RTL4: variants seen among roughly 807,000 people sequenced by gnomAD.
RTL4 encodes retrotransposon Gag-like protein 4.
RTL4 carries 4 observed loss-of-function variants against 5.3 expected under a neutral mutation model. The observed-to-expected ratio is 0.75, with a 90% confidence interval of 0.37 to 1.72. RTL4 has a LOEUF of 1.72. Ranked by LOEUF, RTL4 falls within the 40% of genes most tolerant of loss-of-function variation. The pLI is 0.04. For missense variants in RTL4, 260 were observed against 227.1 expected, an observed-to-expected ratio of 1.14 and a Z score of -0.93; for synonymous variants, 98 against 87.3, an observed-to-expected ratio of 1.12 and a Z score of -0.68.
chrX:112,103,400 A>G, the RTL4 span, among the ~76,000 whole-genome samples: 1 of 111,089 alleles, frequency 9.0e-6, no homozygotes, highest in Non-Finnish European at 1.9e-5. Flanking sequence ...GGAGGGAAAC[A>G]ACACACACTA....
chrX:112,141,255 TGATATTTTATCTTCAACCTTACTAAGCC>T, the RTL4 span, among the ~76,000 whole-genome samples: 4 of 112,137 alleles, frequency 3.6e-5, no homozygotes, highest in South Asian at 3.6e-4. Context: ...GTTTTTATAT[TGATATTTTATCTTCAACCTTACTAAGCC>T]CATTCATTCA....
At chrX:112,175,463 T>G in the RTL4 span, among the ~76,000 whole-genome samples, 25 of 110,343 alleles carry the variant, frequency 2.3e-4, no homozygotes, top group Non-Finnish European at 5.7e-5. Context: ...ACCAGTACCA[T>G]GCTGTTTTGG....
chrX:112,215,403 A>G, the RTL4 span, among the ~76,000 whole-genome samples: 2 of 112,032 alleles, frequency 1.8e-5, no homozygotes, highest in East Asian at 5.6e-4. Context: ...AGAAATGCCT[A>G]TTCAGTTCCT....
At chrX:112,103,258 T>A in the RTL4 span, among the ~76,000 whole-genome samples, 1 of 111,938 alleles carries the variant, frequency 8.9e-6, no homozygotes, top group Non-Finnish European at 1.9e-5. Flanking sequence ...AATGAGACCC[T>A]GTCCTTTGCA....
chrX:112,125,827 T>C, the RTL4 span, among the ~76,000 whole-genome samples: 1 of 111,901 alleles, frequency 8.9e-6, no homozygotes, highest in Admixed American at 9.5e-5. Flanking sequence ...TGACTAGATA[T>C]CAATACTCTA....
At chrX:112,362,622 T>G in the RTL4 span, among the ~76,000 whole-genome samples, 1 of 110,582 alleles carries the variant, frequency 9.0e-6, no homozygotes, top group African/African-American at 3.3e-5. Flanking sequence ...GAGAGAGTAG[T>G]AATAAATGAG....
At chrX:112,312,360 A>G in the RTL4 span, among the ~76,000 whole-genome samples, 1 of 111,997 alleles carries the variant, frequency 8.9e-6, no homozygotes, top group African/African-American at 3.2e-5. Context: ...TACAATTCAG[A>G]TTAGAAGTGA....
At chrX:112,434,333 G>A in the RTL4 span, among the ~76,000 whole-genome samples, 1 of 110,055 alleles carries the variant, frequency 9.1e-6, no homozygotes, top group East Asian at 2.9e-4. Context: ...TGTACCTCTG[G>A]TAGAATTCGG....
chrX:112,340,873 C>T, the RTL4 span, among the ~76,000 whole-genome samples: 9 of 110,174 alleles, frequency 8.2e-5, no homozygotes, highest in Non-Finnish European at 1.3e-4. Context: ...TGCACCACCA[C>T]GCCCAGCTAA....
chrX:112,423,865 C>G, the RTL4 span, among the ~76,000 whole-genome samples: 1 of 111,887 alleles, frequency 8.9e-6, no homozygotes, highest in Non-Finnish European at 1.9e-5. Flanking sequence ...ACATCTTGCC[C>G]AGGTCCTGGG....
the RTL4 span, among the ~76,000 whole-genome samples, chrX:112,288,057 GACA>G: frequency 8.9e-6 from 1 of 111,735 alleles, no homozygotes; most frequent in East Asian, 2.8e-4. Context: ...TGATTCAGAG[GACA>G]ACAACTGTTG....
At chrX:112,306,101 T>C in the RTL4 span, among the ~76,000 whole-genome samples, 32 of 111,648 alleles carry the variant, frequency 2.9e-4, no homozygotes, top group Middle Eastern at 9.2e-3. Context: ...TCAAAAGTCT[T>C]ATACCAAGTG....
the RTL4 span, among the ~76,000 whole-genome samples, chrX:112,265,375 C>T: frequency 8.9e-6 from 1 of 111,950 alleles, no homozygotes; most frequent in African/African-American, 3.2e-5. Context: ...GGCCTTGATT[C>T]AGAAGAAGAC....
the RTL4 span, among the ~76,000 whole-genome samples, chrX:112,405,219 A>G: frequency 8.9e-6 from 1 of 111,905 alleles, no homozygotes; most frequent in Non-Finnish European, 1.9e-5. Context: ...ACACAATACT[A>G]CTACAATTTG....
chrX:112,206,976 T>C, the RTL4 span, among the ~76,000 whole-genome samples: 1 of 111,751 alleles, frequency 8.9e-6, no homozygotes, highest in Non-Finnish European at 1.9e-5. Flanking sequence ...TCACATGCAA[T>C]CCATCATCAA....
the RTL4 span, among the ~76,000 whole-genome samples, chrX:112,213,620 A>G: frequency 1.8e-5 from 2 of 112,038 alleles, no homozygotes; most frequent in African/African-American, 6.5e-5. Flanking sequence ...ACCATTTTTA[A>G]AATTGTGGTA....
At chrX:112,373,810 A>G in the RTL4 span, among the ~76,000 whole-genome samples, 2 of 110,275 alleles carry the variant, frequency 1.8e-5, no homozygotes, top group Admixed American at 9.7e-5. Context: ...CAGGCCAACA[A>G]TGGTCTACTT....
the RTL4 span, among the ~76,000 whole-genome samples, chrX:112,353,384 G>A: frequency 1.8e-5 from 2 of 111,409 alleles, no homozygotes. Flanking sequence ...ACATGCACAT[G>A]TATGTTTATT....
At chrX:112,176,661 AC>A in the RTL4 span, among the ~76,000 whole-genome samples, 1 of 112,194 alleles carries the variant, frequency 8.9e-6, no homozygotes, top group African/African-American at 3.2e-5. Flanking sequence ...ATCACCTCAA[AC>A]ATTTATCTTT....
Sources: allele counts gnomAD v4.1 joint callset (sites outside exome capture counted in the v4.1 genomes callset), GRCh38; gene constraint gnomAD v4.1.1; transcripts MANE v1.5; gene names NCBI Gene and HGNC (gene_info 2026-07-23, HGNC 2026-07-21).